The following PCDHGB2 variants were observed in gnomAD, a reference collection of about 807,000 sequenced individuals.
PCDHGB2 encodes protocadherin gamma-B2.
PCDHGB2 carries 55 observed loss-of-function variants against 59.3 expected under a neutral mutation model. That is an observed-to-expected ratio of 0.93 (90% CI 0.75 to 1.16). The LOEUF is 1.16. PCDHGB2 is among the 50% of genes most tolerant of loss of function. The pLI, the probability that PCDHGB2 is intolerant of heterozygous loss-of-function variation, is 0.00. For synonymous variants in PCDHGB2, 516 were observed against 512.0 expected (o/e 1.01, Z -0.11); for missense variants, 1,228 against 1,198.5 (o/e 1.02, Z -0.36).
At chr5:141,369,308 G>A (rs1356330525) in intron 1 of PCDHGB2, among the ~76,000 whole-genome samples, 2 of 152,074 alleles carry the variant, frequency 1.3e-5, no homozygotes, top group African/African-American at 4.8e-5. Flanking sequence ...TCATTGTTAG[G>A]CTACTTGAGA....
chr5:141,497,414 C>A (rs1021294577), intron 2 of PCDHGB2, among the ~76,000 whole-genome samples: 34 of 152,066 alleles, frequency 2.2e-4, no homozygotes, highest in Admixed American at 2.0e-3. Flanking sequence ...CCCATTCCAT[C>A]AAATGAGAGG....
chr5:141,405,124 G>A (rs1490821452), intron 1 of PCDHGB2: 2 of 1,614,020 alleles, frequency 1.2e-6, no homozygotes, highest in Admixed American at 3.3e-5. Context: ...CCTCGCATCT[G>A]CTGCGGGCTA....
intron 1 of PCDHGB2, chr5:141,427,612 T>G (rs975527074): frequency 2.9e-6 from 2 of 691,298 alleles, no homozygotes; most frequent in African/African-American, 1.8e-5. Flanking sequence ...ATTGGTGAAG[T>G]CAACGACAAT....
At chr5:141,479,056 A>G (rs952560687) in intron 1 of PCDHGB2, among the ~76,000 whole-genome samples, 1 of 152,098 alleles carries the variant, frequency 6.6e-6, no homozygotes, top group Admixed American at 6.5e-5. Context: ...TTCTCAGATA[A>G]TTTTTTATGA....
Position 141,489,732 on chromosome 5 carries a change from C to T in PCDHGB2, c.2422-5075C>T, listed in dbSNP as rs1562132763. On this transcript the variant is annotated intron_variant, in intron 1 of 3. Coordinates refer to ENST00000522605, the MANE Select transcript of PCDHGB2 (RefSeq NM_018923.3). This position sits in a 1 kb window ranked among gnomAD's most constrained non-coding sequence, Gnocchi z 4.5. ...GTGCCCAGGATCCGGATGTGGGCAC[C>T]AATACTGTGAGCTTTTACACTCTAA... 3.1e-6 allele frequency: 5 copies of T among 1,614,126 alleles called. No individual in the cohort carries two copies. The highest frequency in any genetic ancestry group is 1.1e-5 in the South Asian group (1 of 91,074).
intron 1 of PCDHGB2, chr5:141,391,586 AAT>A (rs1412247634): frequency 6.6e-6 from 1 of 152,234 alleles, no homozygotes; most frequent in Non-Finnish European, 1.5e-5. Flanking sequence ...TTCACAGGAA[AAT>A]ATAAAGTTTT....
chr5:141,388,775 G>A (rs1187741321), intron 1 of PCDHGB2: 1 of 1,613,726 alleles, frequency 6.2e-7, no homozygotes, highest in Non-Finnish European at 8.5e-7. Context: ...CTAACACCGG[G>A]GAAATTACTG....
intron 1 of PCDHGB2, chr5:141,365,998 C>T (rs374639173): frequency 1.0e-4 from 166 of 1,614,116 alleles, no homozygotes; most frequent in Non-Finnish European, 1.2e-4. Context: ...TGGACCAGAA[C>T]GACAATACGC....
chr5:141,360,120 C>T lies in PCDHGB2; in HGVS notation c.-16C>T. The T allele has an allele frequency of 6.3e-7, 1 of 1,578,378 alleles. No individual in the cohort carries two copies. The highest frequency in any genetic ancestry group is 8.6e-7 in the Non-Finnish European group (1 of 1,160,176). On this transcript the variant is annotated 5_prime_UTR_variant, in exon 1 of 4. Coordinates refer to ENST00000522605, the MANE Select transcript of PCDHGB2 (RefSeq NM_018923.3). ...CTTATTCCTCCTATGGGCAAAGGAG[C>T]AAAGGGAGCCAGAAGATGAAAGCGA...
At chr5:141,417,068 T>C (rs1433034146) in intron 1 of PCDHGB2, 1 of 152,154 alleles carries the variant, frequency 6.6e-6, no homozygotes, top group African/African-American at 2.4e-5. Context: ...ATTGTAGCTA[T>C]TGTGAGAAAA....
Position 141,361,767 on chromosome 5 carries a change from C to G in PCDHGB2, c.1632C>G (p.Ala544=). 6.2e-7 allele frequency: 1 copy of G among 1,613,142 alleles called. No individual in the cohort carries two copies. Residue 544 remains alanine, a synonymous_variant, in exon 1 of 4, where the codon GCC becomes GCG. Transcript: ENST00000522605. ...ARDQGSPALS[A]NVSLRVLVGD... is the part of the protein sequence containing the mutation. Reference sequence around the variant, plus strand: ...ACCAGGGCTCGCCCGCGCTCAGCGCCAACGTGAGCCTGCGCGTGTTAGTGG... The same window carrying G: ...ACCAGGGCTCGCCCGCGCTCAGCGCGAACGTGAGCCTGCGCGTGTTAGTGG...
intron 1 of PCDHGB2, chr5:141,419,522 C>T (rs781128524): frequency 1.5e-5 from 24 of 1,612,178 alleles, no homozygotes; most frequent in Non-Finnish European, 1.9e-5. Flanking sequence ...GGTGGGCGAC[C>T]GTAACGACAA....
chr5:141,410,065 G>C, intron 1 of PCDHGB2: 1 of 1,612,938 alleles, frequency 6.2e-7, no homozygotes, highest in South Asian at 1.1e-5. Context: ...GCCTGGGGCT[G>C]CGCACTGGGG....
In PCDHGB2 at chr5:141,432,212, G is replaced by T. The variant is rs2097468822; in HGVS notation, c.2422-62595G>T. 8 of 1,614,184 alleles carry T rather than the reference G, an allele frequency of 5.0e-6. No homozygotes were observed. In the East Asian group the frequency reaches 1.3e-4, roughly 27 times the overall value. ...CCACGACCCCGACTGTGAAGAGAAC[G>T]CCCAGATCACTTATTCCCTGGCTGA... On this transcript the variant is annotated intron_variant, in intron 1 of 3. Transcript: ENST00000522605. The surrounding 1 kb of genome is among the most constrained non-coding windows in gnomAD (Gnocchi z 6.0).
intron 1 of PCDHGB2, chr5:141,393,380 C>T (rs771237283): frequency 6.2e-7 from 1 of 1,613,988 alleles, no homozygotes; most frequent in South Asian, 1.1e-5. Context: ...ACAATGGAGC[C>T]ATAAACCCAG....
At chr5:141,409,638 C>A (rs1040366842) in intron 1 of PCDHGB2, 1 of 1,613,648 alleles carries the variant, frequency 6.2e-7, no homozygotes, top group Admixed American at 1.7e-5. Flanking sequence ...GCCTCTGACC[C>A]GGATTTGGGG....
In PCDHGB2 at chr5:141,398,664, A is replaced by G. The variant is rs762356100; in HGVS notation, c.2421+36108A>G. The G allele has an allele frequency of 4.3e-6, 7 of 1,612,604 alleles. No individual in the cohort carries two copies. In the East Asian group the frequency reaches 8.9e-5, roughly 21 times the overall value. ...AACTCTCTCTTAACCCAAGTTTCTC[A>G]TTAATAATTAAGGAGAAACAGGATG... On this transcript the variant is annotated intron_variant, in intron 1 of 3. Transcript: ENST00000522605.
intron 1 of PCDHGB2, chr5:141,384,244 C>A (rs768651416): frequency 1.2e-5 from 20 of 1,613,710 alleles, no homozygotes; most frequent in Non-Finnish European, 1.7e-5. Flanking sequence ...CAACGATAAC[C>A]CACCCACCTT....
intron 1 of PCDHGB2, chr5:141,393,413 G>C: frequency 6.2e-7 from 1 of 1,614,046 alleles, no homozygotes; most frequent in Non-Finnish European, 8.5e-7. Flanking sequence ...AGCGCGCCCT[G>C]GACAGGGAGG....
Sources: gnomAD v4.1 joint callset for allele counts (sites outside exome capture counted in the v4.1 genomes callset) on GRCh38, gnomAD v4.1.1 for gene constraint, Gnocchi (gnomAD v3.1) non-coding constraint, MANE v1.5 for transcripts, NCBI Gene and HGNC (gene_info 2026-07-23, HGNC 2026-07-21) for gene names.